Variants in LAG3 observed in about 807,000 individuals in gnomAD.
LAG3 encodes the protein lymphocyte activating 3.
A neutral mutation model predicts 49.0 loss-of-function variants in LAG3; 29 were observed. The observed-to-expected ratio is 0.59, with a 90% CI of 0.44 to 0.81. The LOEUF is 0.81. Among genes scored for constraint, LAG3 ranks in the 30% least tolerant of loss-of-function variants. The pLI is 0.00. For synonymous variants in LAG3, 320 were observed against 297.3 expected (o/e 1.08, Z -0.79); for missense variants, 693 against 695.2 (o/e 1.00, Z 0.04).
rs2137810957 is a variant in LAG3, at chr12:6,777,359, C to G, written c.1153C>G (p.Leu385Val). 1 of 1,614,188 alleles carries G rather than the reference C, an allele frequency of 6.2e-7. No homozygotes were observed. Among genetic ancestry groups the G allele is most frequent in the South Asian group, 1.1e-5 (1 of 91,084 alleles). Residue 385 changes from leucine to valine, a missense_variant, in exon 6 of 8, where the codon CTG becomes GTG. Physicochemically the swap from Leu to Val is conservative, Grantham distance 32. Coordinates refer to ENST00000203629, the MANE Select transcript of LAG3 (RefSeq NM_002286.6). The part of the protein sequence containing the change: ...SGQERFVWSS[L>V]DTPSQRSFSG... ...ACAAGAACGCTTTGTGTGGAGCTCT[C>G]TGGACACCCCATCCCAGAGGAGTTT...
intron 3 of LAG3, 141 bp from the exon 4 acceptor site, chr12:6,774,454 G>T (rs966403467): frequency 1.5e-5 from 14 of 937,318 alleles, no homozygotes; most frequent in Non-Finnish European, 2.0e-5. Context: ...TGGAAGCTGA[G>T]ATGGGGAGAG....
chr12:6,775,519 A>T lies in LAG3; in HGVS notation c.1028A>T (p.Asn343Ile). The T allele has an allele frequency of 1.2e-6, 2 of 1,614,186 alleles. No homozygotes were observed. Among genetic ancestry groups the T allele is most frequent in the Non-Finnish European group, 1.7e-6 (2 of 1,180,016 alleles). The change falls in exon 5 of 8, where the codon AAT becomes ATT. Residue 343 changes from asparagine to isoleucine, a missense_variant. Coordinates refer to ENST00000203629, the MANE Select transcript of LAG3 (RefSeq NM_002286.6). ...CHIHLQEQQL[N>I]ATVTLAIITV... The stretch of plus-strand genomic sequence containing the variant: ...ATCCATCTGCAGGAACAGCAGCTCA[A>T]TGCCACTGTCACATTGGCAATCATC...
At position 6,772,581 on chromosome 12, in the gene LAG3, C is replaced by G. The variant is rs1173659930; in HGVS notation, c.-272C>G. 9.7e-6 allele frequency: 4 copies of G among 412,728 alleles called. No homozygotes were observed. The highest frequency in any genetic ancestry group is 1.7e-5 in the Non-Finnish European group (4 of 230,354). The allele number at this position is 412,728 out of a possible 1,614,324, so 25.6% of individuals were successfully genotyped here. A position where few individuals can be genotyped will look rare whatever the true frequency, so the allele number is the denominator to read the frequency against. On this transcript the variant is annotated 5_prime_UTR_variant, in exon 1 of 8. Transcript: ENST00000203629. ...ACTTTGCTCTGTCTGCTCTCCGCCA[C>G]GGCCCTGCTCTGTTCCCTGGGACAC... is the stretch of plus-strand genomic sequence containing the variant.
In LAG3 at chr12:6,773,647, C is replaced by T. The variant is rs757052034; in HGVS notation, c.207-50C>T. 3.0e-6 allele frequency: 4 copies of T among 1,345,660 alleles called. No homozygotes were observed. The South Asian group carries it at 6.0e-5, about 20-fold the overall frequency. The allele number at this position is 1,345,660 out of a possible 1,614,324, so 83.4% of individuals were successfully genotyped here. On this transcript the variant is annotated intron_variant, in intron 2 of 7. Transcript: ENST00000203629. The surrounding 1 kb of genome is among the most constrained non-coding windows in gnomAD (Gnocchi z 5.5). The stretch of plus-strand genomic sequence containing the variant: ...CAACGGGTGGCTGCCTGCATCCTCC[C>T]GGGCTTCCTACCCCTGGAGCTTCTC...
At chr12:6,774,255 AG>A (rs547292384) in intron 3 of LAG3, among the ~76,000 whole-genome samples, 2 of 151,334 alleles carry the variant, frequency 1.3e-5, no homozygotes, top group East Asian at 3.9e-4. Flanking sequence ...GCCCAGAGGG[AG>A]GGGGAGGGGG....
chr12:6,777,243 T>A, intron 5 of LAG3, 21 bp from the exon 6 acceptor site: 2 of 1,613,764 alleles, frequency 1.2e-6, no homozygotes, highest in Non-Finnish European at 1.7e-6. Flanking sequence ...CCAAAAGATC[T>A]CTTCCTTCTA....
Position 6,773,791 on chromosome 12 carries a change from G to T in LAG3, c.301G>T (p.Val101Leu). ...SWGPRPRRYTVLSVGPGGLRS... is the reference protein window; with the variant it reads ...SWGPRPRRYTLLSVGPGGLRS... ...GGGGCCCAGGCCCCGCCGCTACACG[G>T]TGCTGAGCGTGGGTCCCGGAGGCCT... The change falls in exon 3 of 8, where the codon GTG (valine) becomes TTG (leucine). Residue 101 changes from valine (V) to leucine (L), a missense_variant. Transcript: ENST00000203629. The surrounding 1 kb of genome is among the most constrained non-coding windows in gnomAD (Gnocchi z 5.5). The T allele has an allele frequency of 7.2e-7, 1 of 1,391,604 alleles. No homozygotes were observed. Among genetic ancestry groups the T allele is most frequent in the Non-Finnish European group, 9.3e-7 (1 of 1,078,286 alleles). 86.2% of individuals were successfully genotyped at this position (1,391,604 alleles called of 1,614,324 possible).
chr12:6,778,376 C>A lies in LAG3; in HGVS notation c.1564C>A (p.Pro522Thr). The change falls in exon 8 of 8, where the codon CCG becomes ACG. Residue 522 changes from proline to threonine, a missense_variant. Transcript: ENST00000203629. ...ACCGGAGCCCGAGCCCGAGCCCGAG[C>A]CGGAGCAGCTCTGACCTGGAGCTGA... ...PEPEPEPEPE[P>T]EQL 2 of 1,611,278 alleles carry A rather than the reference C, an allele frequency of 1.2e-6. No individual in the cohort carries two copies. The highest frequency in any genetic ancestry group is 1.7e-6 in the Non-Finnish European group (2 of 1,179,988).
At position 6,776,733 on chromosome 12, in the gene LAG3, G is replaced by A. The variant is rs557414107; in HGVS notation, c.1058-531G>A. Among the ~76,000 whole-genome samples, 37 of 152,348 alleles carry A rather than the reference G, an allele frequency of 2.4e-4. 1 individual carries two copies. Among genetic ancestry groups the A allele is most frequent in the Middle Eastern group, 6.8e-3 (2 of 294 alleles). On this transcript the variant is annotated intron_variant, in intron 5 of 7. Transcript: ENST00000203629. ...AAGGCAGGGGACACTGATGTGAGCC[G>A]CATCATGGAAGTTCCAAAATTGTGA...
intron 5 of LAG3, among the ~76,000 whole-genome samples, chr12:6,775,907 T>C (rs1406884908): frequency 6.6e-6 from 1 of 152,110 alleles, no homozygotes; most frequent in Admixed American, 6.5e-5. Flanking sequence ...AGGGCTTGGG[T>C]TAGAGTTGCA....
At chr12:6,776,125 C>T (rs1022985912) in intron 5 of LAG3, among the ~76,000 whole-genome samples, 3 of 152,204 alleles carry the variant, frequency 2.0e-5, no homozygotes, top group East Asian at 1.9e-4. Flanking sequence ...TAGCACCCCA[C>T]GGCAGGTGCT....
Position 6,772,552 on chromosome 12 carries a change from G to A in LAG3, c.-301G>A, listed in dbSNP as rs907864237. 1.2e-5 allele frequency: 4 copies of A among 337,576 alleles called. No homozygotes were observed. The highest frequency in any genetic ancestry group is 2.1e-5 in the African/African-American group (1 of 46,802). 20.9% of individuals were successfully genotyped at this position (337,576 alleles called of 1,614,324 possible). A position where few individuals can be genotyped will look rare whatever the true frequency, so the allele number is the denominator to read the frequency against. On this transcript the variant is annotated 5_prime_UTR_variant, in exon 1 of 8. Transcript: ENST00000203629. Reference sequence around the variant, plus strand: ...AGCAGAACGGCATCCCAGCCACGACGGCCACTTTGCTCTGTCTGCTCTCCG... The same window carrying A: ...AGCAGAACGGCATCCCAGCCACGACAGCCACTTTGCTCTGTCTGCTCTCCG...
chr12:6,777,646 C>T, intron 6 of LAG3, 140 bp downstream of exon 6: 1 of 1,442,880 alleles, frequency 6.9e-7, no homozygotes, highest in Non-Finnish European at 9.4e-7. Flanking sequence ...CTAGGGTTGA[C>T]CCGTTTCCGC....
At position 6,775,736 on chromosome 12, in the gene LAG3, T is replaced by G. The variant is rs1244755822; in HGVS notation, c.1057+188T>G. 4 of 603,604 alleles carry G rather than the reference T, an allele frequency of 6.6e-6. No individual in the cohort carries two copies. The East Asian group carries it at 8.4e-5, about 13-fold the overall frequency. The allele number at this position is 603,604 out of a possible 1,614,324, so 37.4% of individuals were successfully genotyped here. A position where few individuals can be genotyped will look rare whatever the true frequency, so the allele number is the denominator to read the frequency against. On this transcript the variant is annotated intron_variant, in intron 5 of 7. Coordinates refer to ENST00000203629, the MANE Select transcript of LAG3 (RefSeq NM_002286.6). ...TAATAAAGAAACGAAACTGAAAATCTCCTCTTGAGTCACAAGATAAAAGTT... is the reference window on the plus strand; with the variant it reads ...TAATAAAGAAACGAAACTGAAAATCGCCTCTTGAGTCACAAGATAAAAGTT...
At position 6,777,792 on chromosome 12, in the gene LAG3, T is replaced by A; in HGVS notation, c.1302T>A (p.Gly434=). The A allele has an allele frequency of 6.2e-7, 1 of 1,613,928 alleles. No homozygotes were observed. Among genetic ancestry groups the A allele is most frequent in the Non-Finnish European group, 8.5e-7 (1 of 1,179,998 alleles). ...AVYFTELSSP[G]AQRSGRAPGA... ...CCTCATCCTGTACTTTCTCCATAGG[T>A]GCCCAACGCTCTGGGAGAGCCCCAG... The change falls in exon 7 of 8, where the codon GGT becomes GGA. Residue 434 remains glycine (G), a splice_region_variant and synonymous_variant. Coordinates refer to ENST00000203629, the MANE Select transcript of LAG3 (RefSeq NM_002286.6).
chr12:6,772,676 G>T lies in LAG3; in HGVS notation c.-177G>T. 1 of 502,936 alleles carries T rather than the reference G, an allele frequency of 2.0e-6. No homozygotes were observed. 31.2% of individuals were successfully genotyped at this position (502,936 alleles called of 1,614,324 possible). A position where few individuals can be genotyped will look rare whatever the true frequency, so the allele number is the denominator to read the frequency against. On this transcript the variant is annotated 5_prime_UTR_variant, in exon 1 of 8. Transcript: ENST00000203629. ...AGCTTTCCTCTGGATTCCGGCCTCT[G>T]GTCATCCCTCCCCACCCTCTCTCCA...
In LAG3 at chr12:6,772,772, A is replaced by AACC; in HGVS notation, c.-81_-80insACC. The AACC allele has an allele frequency of 1.6e-6, 1 of 637,470 alleles. No individual in the cohort carries two copies. 39.5% of individuals were successfully genotyped at this position (637,470 alleles called of 1,614,324 possible). ...TCCCTCTCTGCAGAACTTCTCCTTT[A>AACC]CCCCCCACCCCCCACCACTGCCCCC... On this transcript the variant is annotated 5_prime_UTR_variant, in exon 1 of 8. Coordinates refer to ENST00000203629, the MANE Select transcript of LAG3 (RefSeq NM_002286.6).
Position 6,778,051 on chromosome 12 carries a change from T to C in LAG3, c.1431+130T>C, listed in dbSNP as rs546924302. The C allele has an allele frequency of 4.8e-5, 68 of 1,407,046 alleles. No individual in the cohort carries two copies. In the African/African-American group the frequency reaches 8.6e-4, roughly 18 times the overall value. 87.2% of individuals were successfully genotyped at this position (1,407,046 alleles called of 1,614,324 possible). On this transcript the variant is annotated intron_variant, in intron 7 of 7. Transcript: ENST00000203629. ...GAACTTGCCCTCAGAGCCCCCCTTCTTCATAAGCCTCTCACTCCAGGGATG... is the reference window on the plus strand; with the variant it reads ...GAACTTGCCCTCAGAGCCCCCCTTCCTCATAAGCCTCTCACTCCAGGGATG...
At position 6,775,411 on chromosome 12, in the gene LAG3, T is replaced by A; in HGVS notation, c.920T>A (p.Leu307His). The part of the protein sequence containing the change: ...KWTPPGGGPD[L>H]LVTGDNGDFT... ...ACTCCTCCTGGGGGAGGCCCTGACC[T>A]CCTGGTGACTGGAGACAATGGCGAC... The change falls in exon 5 of 8, where the codon CTC becomes CAC. Residue 307 changes from leucine to histidine, a missense_variant. Transcript: ENST00000203629. 1 of 1,614,184 alleles carries A rather than the reference T, an allele frequency of 6.2e-7. No individual in the cohort carries two copies. The highest frequency in any genetic ancestry group is 8.5e-7 in the Non-Finnish European group (1 of 1,180,032).
Sources: allele counts gnomAD v4.1 joint callset (sites outside exome capture counted in the v4.1 genomes callset), GRCh38; gene constraint gnomAD v4.1.1; non-coding constraint Gnocchi (gnomAD v3.1); transcripts MANE v1.5; gene names NCBI Gene and HGNC (gene_info 2026-07-23, HGNC 2026-07-21).